CAMKMT: variants seen among roughly 807,000 people sequenced by gnomAD.
CAMKMT encodes the protein calmodulin-lysine N-methyltransferase, also known as CaM KMT.
CAMKMT carries 53 observed loss-of-function variants against 48.0 expected under a neutral mutation model. The ratio of observed to expected loss-of-function variants is 1.10; its 90% CI spans 0.89 to 1.39. The LOEUF (loss-of-function observed/expected upper bound fraction) is 1.39, where lower values mean the gene tolerates loss of function less well. Ranked by LOEUF, CAMKMT falls within the 40% of genes most tolerant of loss-of-function variation. The pLI is 0.00. For synonymous variants in CAMKMT, 165 were observed against 152.3 expected (o/e 1.08, Z -0.61); for missense variants, 428 against 402.7 (o/e 1.06, Z -0.54).
intron 3 of CAMKMT, among the ~76,000 whole-genome samples, chr2:44,484,825 A>G (rs959306432): frequency 4.6e-5 from 7 of 152,264 alleles, no homozygotes; most frequent in East Asian, 1.9e-4. Context: ...TGAAATGCAT[A>G]TAACTAAGGA....
rs1019438817 is a variant in CAMKMT, at chr2:44,390,258, T to G, written c.329T>G (p.Leu110Trp). Residue 110 changes from leucine (L) to tryptophan (W), a missense_variant, in exon 3 of 11, where the codon TTG (leucine) becomes TGG (tryptophan). Transcript: ENST00000378494. ...CTTTCTAGGCATAATAGTGGATCCT[T>G]GAATGTTGAAGATGTCCTTACCAGC... ...SISLRHNSGS[L>W]NVEDVLTSFD... 8.1e-6 allele frequency: 13 copies of G among 1,609,624 alleles called. No individual in the cohort carries two copies. The Admixed American group carries it at 1.9e-4, about 23-fold the overall frequency.
chr2:44,664,989 T>C (rs185351866), intron 3 of CAMKMT, among the ~76,000 whole-genome samples: 1 of 152,326 alleles, frequency 6.6e-6, no homozygotes, highest in Admixed American at 6.5e-5. Flanking sequence ...CCCCCAGGAA[T>C]TCTGATATAG....
At chr2:44,501,154 T>C (rs894211511) in intron 3 of CAMKMT, among the ~76,000 whole-genome samples, 1 of 151,934 alleles carries the variant, frequency 6.6e-6, no homozygotes, top group Non-Finnish European at 1.5e-5. Flanking sequence ...TTTATATACA[T>C]ACCTATGACA....
At chr2:44,488,585 C>T in intron 3 of CAMKMT, among the ~76,000 whole-genome samples, 1 of 151,724 alleles carries the variant, frequency 6.6e-6, no homozygotes, top group Non-Finnish European at 1.5e-5. Context: ...ACCTGTGATC[C>T]CAGCTACACA....
intron 3 of CAMKMT, among the ~76,000 whole-genome samples, chr2:44,640,545 A>G (rs755467972): frequency 1.8e-4 from 28 of 152,176 alleles, no homozygotes; most frequent in Non-Finnish European, 3.2e-4. Context: ...TGTAGTCCTC[A>G]GTTTCCTCAT....
rs192151492 is a variant in CAMKMT at position 44,762,313 on chromosome 2, C to T, written c.763-4117C>T. 1.9e-4 allele frequency among the ~76,000 whole-genome samples: 29 copies of T among 152,280 alleles called. No homozygotes were observed. The East Asian group carries it at 5.6e-3, about 29-fold the overall frequency. ...GAGCAGCCTGGGCAGCATAACAAGA[C>T]CTCGTCTTTATAAATGACAACAAAG... On this transcript the variant is annotated intron_variant, in intron 9 of 10. Coordinates refer to ENST00000378494, the MANE Select transcript of CAMKMT (RefSeq NM_024766.5).
chr2:44,620,267 A>AC (rs1476325121), intron 3 of CAMKMT, among the ~76,000 whole-genome samples: 4 of 151,746 alleles, frequency 2.6e-5, no homozygotes, highest in African/African-American at 9.7e-5. Flanking sequence ...GTCCTTTGAT[A>AC]CTTTTTTTTT....
intron 3 of CAMKMT, among the ~76,000 whole-genome samples, chr2:44,609,814 C>A (rs1351440537): frequency 6.6e-6 from 1 of 152,108 alleles, no homozygotes; most frequent in Non-Finnish European, 1.5e-5. Flanking sequence ...GGGCTCTTAA[C>A]GCCTCCTGCT....
In CAMKMT at chr2:44,631,062, CA is replaced by C. The variant is rs374597139; in HGVS notation, c.377-73220del. 4.3e-4 allele frequency among the ~76,000 whole-genome samples: 65 copies of C among 152,296 alleles called. 1 individual carries two copies. The East Asian group carries it at 0.012, about 28-fold the overall frequency. The stretch of plus-strand genomic sequence containing the variant: ...CATGTATACACCATGGAATACTATG[CA>C]GCCATAAAAAATGATGAGTTCATGT... On this transcript the variant is annotated intron_variant, in intron 3 of 10. Transcript: ENST00000378494.
At chr2:44,649,157 G>A (rs1572993153) in intron 3 of CAMKMT, among the ~76,000 whole-genome samples, 1 of 152,018 alleles carries the variant, frequency 6.6e-6, no homozygotes, top group East Asian at 1.9e-4. Flanking sequence ...CCTTCAGTGA[G>A]GGGGGGAAAA....
intron 3 of CAMKMT, among the ~76,000 whole-genome samples, chr2:44,583,342 T>C (rs971058907): frequency 4.6e-5 from 7 of 152,172 alleles, no homozygotes; most frequent in African/African-American, 1.7e-4. Flanking sequence ...AAGTGACCAG[T>C]TACATAATTT....
chr2:44,588,268 G>C, intron 3 of CAMKMT, among the ~76,000 whole-genome samples: 1 of 47,446 alleles, frequency 2.1e-5, no homozygotes, highest in South Asian at 6.9e-4. Context: ...GAAGTGAGGA[G>C]CGTCTCCGCC....
In CAMKMT at chr2:44,362,215, G is replaced by C; in HGVS notation, c.138+70G>C. On this transcript the variant is annotated intron_variant, in intron 1 of 10. Transcript: ENST00000378494. Reference sequence around the variant, plus strand: ...TCTCTCACGTACCGGGGGAGCGACTGTTCGCAGTTCTTTCCTCTTGGCAGC... The same window carrying C: ...TCTCTCACGTACCGGGGGAGCGACTCTTCGCAGTTCTTTCCTCTTGGCAGC... 3.8e-6 allele frequency: 5 copies of C among 1,316,762 alleles called. No homozygotes were observed. In the South Asian group the frequency reaches 7.9e-5, roughly 21 times the overall value. 81.6% of individuals were successfully genotyped at this position (1,316,762 alleles called of 1,614,324 possible).
chr2:44,579,829 T>C (rs1669448125), intron 3 of CAMKMT, among the ~76,000 whole-genome samples: 1 of 152,334 alleles, frequency 6.6e-6, no homozygotes, highest in South Asian at 2.1e-4. Flanking sequence ...CAATTAAAAG[T>C]GTGTGTTGCA....
intron 7 of CAMKMT, among the ~76,000 whole-genome samples, chr2:44,736,025 C>G (rs1202578427): frequency 1.3e-5 from 2 of 152,098 alleles, no homozygotes; most frequent in Non-Finnish European, 2.9e-5. Flanking sequence ...ATATTATCAC[C>G]CCACAATACT....
chr2:44,720,903 G>A (rs1678428410), intron 7 of CAMKMT, among the ~76,000 whole-genome samples: 1 of 151,924 alleles, frequency 6.6e-6, no homozygotes, highest in African/African-American at 2.4e-5. Context: ...TTTCTCTTAA[G>A]TTTATTTTTA....
chr2:44,427,448 C>G (rs1684345017), intron 3 of CAMKMT, among the ~76,000 whole-genome samples: 1 of 151,922 alleles, frequency 6.6e-6, no homozygotes, highest in South Asian at 2.1e-4. Flanking sequence ...GGAATGTAAA[C>G]AAATCAACAA....
In CAMKMT at chr2:44,653,210, G is replaced by T. The variant is rs1674190034; in HGVS notation, c.377-51073G>T. Among the ~76,000 whole-genome samples, 1 of 152,000 alleles carries T rather than the reference G, an allele frequency of 6.6e-6. No individual in the cohort carries two copies. Among genetic ancestry groups the T allele is most frequent in the African/African-American group, 2.4e-5 (1 of 41,378 alleles). Reference sequence around the variant, plus strand: ...AGCTCGTGAGCTCCTTTAAAGCAAGGGACATCTCCTCTGCTTTTAATATCC... The same window carrying T: ...AGCTCGTGAGCTCCTTTAAAGCAAGTGACATCTCCTCTGCTTTTAATATCC... On this transcript the variant is annotated intron_variant, in intron 3 of 10. Coordinates refer to ENST00000378494, the MANE Select transcript of CAMKMT (RefSeq NM_024766.5). The surrounding 1 kb of genome is among the most constrained non-coding windows in gnomAD (Gnocchi z 5.2).
rs190126889 is a variant in CAMKMT at position 44,716,018 on chromosome 2, T to C, written c.623+665T>C. On this transcript the variant is annotated intron_variant, in intron 7 of 10. Coordinates refer to ENST00000378494, the MANE Select transcript of CAMKMT (RefSeq NM_024766.5). Reference sequence around the variant, plus strand: ...GCCACAACAATGGTGTGTTCTGTGATGCTACATTTTATTTTTGCCCTGTTG... The same window carrying C: ...GCCACAACAATGGTGTGTTCTGTGACGCTACATTTTATTTTTGCCCTGTTG... 1.8e-3 allele frequency among the ~76,000 whole-genome samples: 271 copies of C among 152,342 alleles called. 1 individual carries two copies. Among genetic ancestry groups the C allele is most frequent in the African/African-American group, 6.2e-3 (259 of 41,582 alleles).
Sources: allele counts gnomAD v4.1 joint callset (sites outside exome capture counted in the v4.1 genomes callset), GRCh38; gene constraint gnomAD v4.1.1; non-coding constraint Gnocchi (gnomAD v3.1); transcripts MANE v1.5; gene names NCBI Gene and HGNC (gene_info 2026-07-23, HGNC 2026-07-21).